Variants in COPA observed in about 807,000 individuals in gnomAD.
COPA encodes the protein coat protein complex I subunit alpha, also known as coatomer subunit alpha.
COPA carries 10 observed loss-of-function variants against 158.7 expected under a neutral mutation model. That is an observed-to-expected ratio of 0.06 (90% CI 0.04 to 0.11). The LOEUF (loss-of-function observed/expected upper bound fraction) is 0.11, where lower values mean the gene tolerates loss of function less well. COPA is among the 10% of genes least tolerant of loss of function. The pLI is 1.00. For missense variants in COPA, 1,065 were observed against 1,536.7 expected (o/e 0.69, Z 5.13); for synonymous variants, 462 against 542.8 (o/e 0.85, Z 2.07).
intron 6 of COPA, among the ~76,000 whole-genome samples, chr1:160,328,146 T>C (rs990023148): frequency 6.6e-6 from 1 of 152,186 alleles, no homozygotes; most frequent in Middle Eastern, 3.2e-3. Flanking sequence ...CATAAATACT[T>C]TATCGCTGGG....
chr1:160,307,996 T>C (rs1274446256), intron 13 of COPA, among the ~76,000 whole-genome samples: 1 of 152,180 alleles, frequency 6.6e-6, no homozygotes, highest in Non-Finnish European at 1.5e-5. Flanking sequence ...CTAATTATTA[T>C]CAAAACCAAC....
intron 3 of COPA, among the ~76,000 whole-genome samples, chr1:160,337,188 T>A (rs1427588022): frequency 1.3e-5 from 2 of 152,228 alleles, no homozygotes; most frequent in Non-Finnish European, 2.9e-5. Flanking sequence ...ACTCCTTTAA[T>A]GGCCTAAGTC....
chr1:160,322,958 G>A (rs900961967), intron 8 of COPA, among the ~76,000 whole-genome samples: 3 of 151,374 alleles, frequency 2.0e-5, no homozygotes, highest in Non-Finnish European at 4.4e-5. Flanking sequence ...CTCATCAAGG[G>A]ATGAATAAAG....
chr1:160,289,816 C>A lies in COPA; in HGVS notation c.*341G>T. 5.4e-6 allele frequency: 1 copy of A among 184,730 alleles called. No homozygotes were observed. The highest frequency in any genetic ancestry group is 1.1e-5 in the Non-Finnish European group (1 of 89,410). The allele number at this position is 184,730 out of a possible 1,614,324, so 11.4% of individuals were successfully genotyped here. A position where few individuals can be genotyped will look rare whatever the true frequency, so the allele number is the denominator to read the frequency against. ...ATGTTGGCCAGGCAGGTCTCGAACTCCTGGCCTCAGATGATCTGCCCACCG... is the reference window on the plus strand; with the variant it reads ...ATGTTGGCCAGGCAGGTCTCGAACTACTGGCCTCAGATGATCTGCCCACCG... On this transcript the variant is annotated 3_prime_UTR_variant, in exon 33 of 33. Coordinates refer to ENST00000241704, the MANE Select transcript of COPA (RefSeq NM_004371.4).
intron 3 of COPA, among the ~76,000 whole-genome samples, chr1:160,336,727 T>C (rs1162437550): frequency 1.3e-5 from 2 of 152,216 alleles, no homozygotes; most frequent in African/African-American, 4.8e-5. Flanking sequence ...TTTAAATTTC[T>C]TTTTAATATT....
At chr1:160,317,436 C>T in intron 8 of COPA, 1 of 1,608,704 alleles carries the variant, frequency 6.2e-7, no homozygotes, top group South Asian at 1.1e-5. Flanking sequence ...CAACTGAGGA[C>T]TTGGGGGATA....
rs373511318 is a variant in COPA, at chr1:160,337,109, AACTG to A, written c.229-1791_229-1788del. ...GACCATACCATAAACACTATTCTTT[AACTG>A]ACTTTTTTCCCCTTATAGAGTTCAG... On this transcript the variant is annotated intron_variant, in intron 3 of 32. Coordinates refer to ENST00000241704, the MANE Select transcript of COPA (RefSeq NM_004371.4). 7.2e-3 allele frequency among the ~76,000 whole-genome samples: 1,101 copies of A among 152,316 alleles called. 5 individuals carry two copies. Among genetic ancestry groups the A allele is most frequent in the Non-Finnish European group, 0.011 (756 of 68,016 alleles).
Position 160,292,016 on chromosome 1 carries a change from G to T in COPA, c.3143C>A (p.Ala1048Glu), listed in dbSNP as rs758222612. Residue 1048 changes from alanine to glutamate, a missense_variant, in exon 29 of 33, where the codon GCA becomes GAA. Ala to Glu is a moderately radical substitution (Grantham distance 107). Transcript: ENST00000241704. The stretch of plus-strand genomic sequence containing the variant: ...ACAGCGGCTAGACCCTCCTACCTCT[G>T]CAATCTCTTGTTTATTGTCCACAAC... ...LLVVDNKQEI[A>E]EAQQLITICR... The T allele has an allele frequency of 1.9e-6, 3 of 1,614,172 alleles. No homozygotes were observed. In the South Asian group the frequency reaches 3.3e-5, roughly 18 times the overall value.
intron 6 of COPA, among the ~76,000 whole-genome samples, chr1:160,330,493 T>C (rs1380241416): frequency 6.6e-6 from 1 of 152,252 alleles, no homozygotes; most frequent in African/African-American, 2.4e-5. Context: ...ATTCTATGCC[T>C]TTGAAAACTA....
intron 8 of COPA, among the ~76,000 whole-genome samples, chr1:160,321,780 C>T (rs565392123): frequency 6.6e-6 from 1 of 152,084 alleles, no homozygotes; most frequent in South Asian, 2.1e-4. Context: ...AGAGCGAGAT[C>T]CTGTCTCAAA....
At chr1:160,298,113 G>A (rs1334828307) in intron 19 of COPA, among the ~76,000 whole-genome samples, 4 of 151,818 alleles carry the variant, frequency 2.6e-5, no homozygotes, top group Non-Finnish European at 4.4e-5. Context: ...CCCAGGAGGC[G>A]GAGGTTGCAG....
intron 12 of COPA, among the ~76,000 whole-genome samples, chr1:160,309,575 T>C (rs1658896039): frequency 6.6e-6 from 1 of 150,554 alleles, no homozygotes; most frequent in East Asian, 1.9e-4. Flanking sequence ...GGAATGCAAA[T>C]GTTTATTGGA....
intron 3 of COPA, among the ~76,000 whole-genome samples, chr1:160,338,150 A>T (rs1374310924): frequency 6.6e-6 from 1 of 152,188 alleles, no homozygotes; most frequent in Non-Finnish European, 1.5e-5. Context: ...TTCCTTTTTA[A>T]ACAGATTATA....
At chr1:160,340,131 G>C (rs1647968813) in intron 2 of COPA, 50 bp downstream of exon 2, 1 of 1,500,606 alleles carries the variant, frequency 6.7e-7, no homozygotes, top group Non-Finnish European at 9.3e-7. Flanking sequence ...AATACCCCAG[G>C]ATATTATAAA....
rs141198404 is a variant in COPA, at chr1:160,328,718, T to C, written c.497-3066A>G. On this transcript the variant is annotated intron_variant, in intron 6 of 32. Coordinates refer to ENST00000241704, the MANE Select transcript of COPA (RefSeq NM_004371.4). ...TAAAATAATTTAACTGTCAGTTTAC[T>C]TAGAAGCTCAAGTTAAGAAAGTAAC... Among the ~76,000 whole-genome samples, 4 of 152,364 alleles carry C rather than the reference T, an allele frequency of 2.6e-5. No homozygotes were observed. The East Asian group carries it at 7.7e-4, about 29-fold the overall frequency.
At position 160,343,114 on chromosome 1, in the gene COPA, C is replaced by G. The variant is rs7555490; in HGVS notation, c.40+17G>C. The G allele has an allele frequency of 3.0e-3, 4,829 of 1,614,102 alleles. 134 individuals carry two copies. The African/African-American group carries it at 0.056, about 19-fold the overall frequency. On this transcript the variant is annotated intron_variant, in intron 1 of 32. Transcript: ENST00000241704. ...CTGACATCCAACCTCCATGTTCCCC[C>G]TTTTATTCTCCACTACCTTTGACCC... is the stretch of plus-strand genomic sequence containing the variant.
At chr1:160,342,365 C>T (rs1177540205) in intron 1 of COPA, among the ~76,000 whole-genome samples, 1 of 152,148 alleles carries the variant, frequency 6.6e-6, no homozygotes, top group African/African-American at 2.4e-5. Flanking sequence ...CTGACTTTCA[C>T]ATTCTAACGT....
chr1:160,290,612 G>T lies in COPA; in HGVS notation c.3495C>A (p.Pro1165=). ...GATATGATGCAGCACAAATGTCAAA[G>T]GGGTTGTGCATGTCATAATTGAGCT... The part of the protein sequence containing the change: ...AYQLNYDMHN[P]FDICAASYRP... Residue 1165 remains proline (P), a synonymous_variant, in exon 32 of 33, where the codon CCC becomes CCA. Coordinates refer to ENST00000241704, the MANE Select transcript of COPA (RefSeq NM_004371.4). The T allele has an allele frequency of 1.9e-6, 3 of 1,614,170 alleles. No homozygotes were observed. The highest frequency in any genetic ancestry group is 2.5e-6 in the Non-Finnish European group (3 of 1,180,044).
In COPA at chr1:160,291,380, A is replaced by C. The variant is rs1226201420; in HGVS notation, c.3375T>G (p.Ala1125=). The part of the protein sequence containing the change: ...LKNFKTAATF[A]RRLLELGPKP... ...TGGGCCCGAGTTCTAGTAGGCGCCG[A>C]GCAAAGGTGGCAGCTGTCTTGAAGT... Residue 1125 remains alanine (A), a synonymous_variant, in exon 31 of 33, where the codon GCT becomes GCG. Transcript: ENST00000241704. 1 of 1,614,002 alleles carries C rather than the reference A, an allele frequency of 6.2e-7. No individual in the cohort carries two copies.
Sources: allele counts gnomAD v4.1 joint callset (sites outside exome capture counted in the v4.1 genomes callset), GRCh38; gene constraint gnomAD v4.1.1; transcripts MANE v1.5; gene names NCBI Gene and HGNC (gene_info 2026-07-23, HGNC 2026-07-21).